The following SATB2 variants were observed in gnomAD, a reference collection of about 807,000 sequenced individuals.
SATB2 encodes the protein SATB homeobox 2.
In SATB2, 1 loss-of-function variant was observed where a neutral mutation model predicts 73.4. That is an observed-to-expected ratio of 0.01 (90% CI 0.00 to 0.06). SATB2 has a LOEUF of 0.06. Ranked by LOEUF, SATB2 falls within the 10% of genes least tolerant of loss-of-function variation. SATB2 has a pLI of 1.00. For synonymous variants in SATB2, 397 were observed against 367.0 expected (o/e 1.08, Z -0.93); for missense variants, 459 against 945.8 (o/e 0.49, Z 6.75).
chr2:199,336,916 C>A (rs932315986), intron 7 of SATB2, among the ~76,000 whole-genome samples: 1 of 152,182 alleles, frequency 6.6e-6, no homozygotes, highest in Non-Finnish European at 1.5e-5. Context: ...ACCTGTAAAA[C>A]TAAAATAATT....
At chr2:199,323,350 G>A (rs1295141169) in intron 9 of SATB2, among the ~76,000 whole-genome samples, 1 of 152,012 alleles carries the variant, frequency 6.6e-6, no homozygotes, top group Non-Finnish European at 1.5e-5. Context: ...GTGTCTCTGG[G>A]GCTGGGGAAA....
At chr2:199,283,369 C>T (rs930732826) in intron 10 of SATB2, among the ~76,000 whole-genome samples, 2 of 151,196 alleles carry the variant, frequency 1.3e-5, no homozygotes, top group East Asian at 2.0e-4. Flanking sequence ...GGATTACAGG[C>T]GTGAGCTACC....
intron 10 of SATB2, among the ~76,000 whole-genome samples, chr2:199,299,748 T>C (rs1184587670): frequency 6.6e-6 from 1 of 152,130 alleles, no homozygotes; most frequent in East Asian, 1.9e-4. Flanking sequence ...AAATGGCCCA[T>C]CTTCTCAATC....
At chr2:199,399,149 A>C (rs550906140) in intron 3 of SATB2, among the ~76,000 whole-genome samples, 1 of 152,188 alleles carries the variant, frequency 6.6e-6, no homozygotes, top group East Asian at 1.9e-4. Context: ...GTGTGTACCT[A>C]TAGTCCCATC....
chr2:199,430,786 A>G (rs1691479705), intron 3 of SATB2, among the ~76,000 whole-genome samples: 1 of 152,196 alleles, frequency 6.6e-6, no homozygotes, highest in African/African-American at 2.4e-5. Context: ...TGTCATTGGG[A>G]CTTGAGGACT....
At chr2:199,466,639 C>T (rs569319771), upstream of SATB2, among the ~76,000 whole-genome samples, 1 of 152,342 alleles carries the variant, frequency 6.6e-6, no homozygotes, top group South Asian at 2.1e-4. Flanking sequence ...TGTGGTCTCT[C>T]CGGCTCCCTG....
chr2:199,450,550 T>C (rs1395741789), intron 2 of SATB2, among the ~76,000 whole-genome samples: 1 of 152,114 alleles, frequency 6.6e-6, no homozygotes, highest in East Asian at 1.9e-4. Flanking sequence ...ACACACCTAA[T>C]GTGGGTTCTT....
In SATB2 at chr2:199,272,319, T is replaced by C. The variant is rs1692183756; in HGVS notation, c.2094A>G (p.Ser698=). Residue 698 remains serine, a synonymous_variant, in exon 11 of 11, where the codon TCA becomes TCG. Transcript: ENST00000417098. The surrounding 1 kb of genome is among the most constrained non-coding windows in gnomAD (Gnocchi z 6.7). ...AGCCTTCCTCGCTGTCGTTCTCCTC[T>C]GACTCGGTCAGCAGCTCCTCGTCCT... ...EYKDEELLTE[S]EENDSEEGSE... 1.9e-6 allele frequency: 3 copies of C among 1,614,222 alleles called. No homozygotes were observed. The highest frequency in any genetic ancestry group is 2.5e-6 in the Non-Finnish European group (3 of 1,180,038).
At chr2:199,459,406 G>A (rs1260532415), upstream of SATB2, among the ~76,000 whole-genome samples, 1 of 152,182 alleles carries the variant, frequency 6.6e-6, no homozygotes, top group Non-Finnish European at 1.5e-5. This position sits in a 1 kb window ranked among gnomAD's most constrained non-coding sequence, Gnocchi z 4.2. Flanking sequence ...CTGGCCTCTG[G>A]CCGCGCTTTT....
chr2:199,418,260 A>G (rs1215634902), intron 3 of SATB2, among the ~76,000 whole-genome samples: 1 of 152,180 alleles, frequency 6.6e-6, no homozygotes, highest in Non-Finnish European at 1.5e-5. Flanking sequence ...ACCAAGATGA[A>G]AGGCCCGGCA....
At position 199,386,714 on chromosome 2, in the gene SATB2, GCGCACACACA is replaced by G. The variant is rs1271203578; in HGVS notation, c.347-4904_347-4895del. 8.3e-3 allele frequency among the ~76,000 whole-genome samples: 186 copies of G among 22,524 alleles called. 1 individual carries two copies. The highest frequency in any genetic ancestry group is 0.03 in the African/African-American group (159 of 5,252). 14.8% of individuals were successfully genotyped at this position (22,524 alleles called of 152,430 possible). On this transcript the variant is annotated intron_variant, in intron 3 of 10. Coordinates refer to ENST00000417098, the MANE Select transcript of SATB2 (RefSeq NM_001172509.2). ...TGCGCAAGCGCGCGCGCGCGCGCGCGCGCACACACACACACACACACACACACACACACAC... is the reference window on the plus strand; with the variant it reads ...TGCGCAAGCGCGCGCGCGCGCGCGCGCACACACACACACACACACACACAC...
At chr2:199,283,796 C>G (rs1467515380) in intron 10 of SATB2, among the ~76,000 whole-genome samples, 1 of 152,024 alleles carries the variant, frequency 6.6e-6, no homozygotes, top group Non-Finnish European at 1.5e-5. Flanking sequence ...TTACTTAAGT[C>G]TCAATCCTTG....
chr2:199,294,887 ACTT>A (rs1048586682), intron 10 of SATB2, among the ~76,000 whole-genome samples: 2 of 152,128 alleles, frequency 1.3e-5, no homozygotes, highest in African/African-American at 4.8e-5. Flanking sequence ...TCCCTAATTT[ACTT>A]TTTTTAAAAA....
intron 6 of SATB2, 106 bp downstream of exon 6, chr2:199,368,499 A>G (rs2105849868): frequency 1.4e-6 from 1 of 737,014 alleles, no homozygotes; most frequent in South Asian, 1.5e-5. Flanking sequence ...CCTTTGTAAA[A>G]AAATTACGTA....
At chr2:199,382,980 T>C (rs1019288392) in intron 3 of SATB2, among the ~76,000 whole-genome samples, 2 of 152,094 alleles carry the variant, frequency 1.3e-5, no homozygotes, top group Non-Finnish European at 2.9e-5. Context: ...GGGGCAAAAT[T>C]CCAGCAATAG....
intron 3 of SATB2, among the ~76,000 whole-genome samples, chr2:199,421,420 T>A (rs1425220366): frequency 6.6e-6 from 1 of 152,194 alleles, no homozygotes; most frequent in Non-Finnish European, 1.5e-5. Context: ...AATAATGGGC[T>A]GTTCTCAAGC....
intron 2 of SATB2, among the ~76,000 whole-genome samples, chr2:199,439,160 T>C (rs569431121): frequency 6.6e-6 from 1 of 152,380 alleles, no homozygotes; most frequent in East Asian, 1.9e-4. Flanking sequence ...CCTTCCGTTA[T>C]TCACAGACAA....
rs1692131830 is a variant in SATB2 at position 199,451,806 on chromosome 2, T to C, written c.169+4063A>G. ...TAAATGAGGCCCTGACTAACAATCT[T>C]GATCACATTTGCTTCCCTATTTGAA... On this transcript the variant is annotated intron_variant, in intron 2 of 10. Transcript: ENST00000417098. 2.0e-5 allele frequency among the ~76,000 whole-genome samples: 3 copies of C among 152,118 alleles called. No individual in the cohort carries two copies. In the South Asian group the frequency reaches 6.2e-4, roughly 31 times the overall value.
chr2:199,319,234 G>C (rs1687819136), intron 9 of SATB2, among the ~76,000 whole-genome samples: 1 of 152,120 alleles, frequency 6.6e-6, no homozygotes, highest in Non-Finnish European at 1.5e-5. Flanking sequence ...GTAGTAGGAA[G>C]AAAAACTCTC....
Sources: allele counts gnomAD v4.1 joint callset (sites outside exome capture counted in the v4.1 genomes callset), GRCh38; gene constraint gnomAD v4.1.1; non-coding constraint Gnocchi (gnomAD v3.1); transcripts MANE v1.5; gene names NCBI Gene and HGNC (gene_info 2026-07-23, HGNC 2026-07-21).